Variants in ANO10 observed in about 807,000 individuals in gnomAD.
ANO10 encodes anoctamin-10.
ANO10 carries 77 observed loss-of-function variants against 74.7 expected under a neutral mutation model. The observed-to-expected ratio is 1.03, with a 90% CI of 0.86 to 1.25. ANO10 has a LOEUF of 1.25. Ranked by LOEUF, ANO10 falls within the 50% of genes most tolerant of loss-of-function variation. The pLI is 0.00. For missense variants in ANO10, 721 were observed against 778.1 expected, an observed-to-expected ratio of 0.93 and a Z score of 0.87; for synonymous variants, 279 against 284.9, an observed-to-expected ratio of 0.98 and a Z score of 0.21.
rs371752677 is a variant in ANO10, at chr3:43,402,646, C to T, written c.1914+29965G>A. 1.2e-4 allele frequency among the ~76,000 whole-genome samples: 18 copies of T among 152,240 alleles called. No individual in the cohort carries two copies. The East Asian group carries it at 1.5e-3, about 13-fold the overall frequency. On this transcript the variant is annotated intron_variant, in intron 12 of 12. Transcript: ENST00000292246. ...TTCCCAGGTCATCCCTTCTTCTGTG[C>T]CCTTGGTCCTGAGAGGTACCACACT...
chr3:43,494,279 C>G (rs1404477828), intron 11 of ANO10, among the ~76,000 whole-genome samples: 1 of 152,096 alleles, frequency 6.6e-6, no homozygotes, highest in Non-Finnish European at 1.5e-5. Context: ...CATGGTGAAA[C>G]CCCGTCTGTA....
At chr3:43,686,434 A>T (rs369122315) in intron 1 of ANO10, among the ~76,000 whole-genome samples, 6 of 152,264 alleles carry the variant, frequency 3.9e-5, no homozygotes, top group African/African-American at 1.4e-4. Flanking sequence ...CCAAAGGCAC[A>T]TGCCATTACA....
chr3:43,687,695 G>C (rs557252143), intron 1 of ANO10, among the ~76,000 whole-genome samples: 11 of 152,270 alleles, frequency 7.2e-5, no homozygotes, highest in African/African-American at 2.6e-4. Flanking sequence ...TTGGTTAGTA[G>C]GTCACAAAAA....
chr3:43,590,925 C>A (rs1436890506), intron 4 of ANO10, among the ~76,000 whole-genome samples: 2 of 152,152 alleles, frequency 1.3e-5, no homozygotes, highest in Non-Finnish European at 2.9e-5. Flanking sequence ...CACACCCAAC[C>A]CATCAGTTAG....
intron 12 of ANO10, among the ~76,000 whole-genome samples, chr3:43,417,028 C>T (rs1575726728): frequency 1.3e-5 from 2 of 152,188 alleles, no homozygotes; most frequent in South Asian, 4.1e-4. Flanking sequence ...CAAAGCTGTG[C>T]TAGGCACCTT....
chr3:43,460,327 C>A (rs896366106), intron 11 of ANO10, among the ~76,000 whole-genome samples: 5 of 152,190 alleles, frequency 3.3e-5, no homozygotes, highest in Non-Finnish European at 5.9e-5. Context: ...TCATCTCTCC[C>A]TATAATCCTA....
intron 1 of ANO10, among the ~76,000 whole-genome samples, chr3:43,680,991 C>G (rs1186904629): frequency 1.3e-5 from 2 of 152,256 alleles, no homozygotes; most frequent in Admixed American, 6.5e-5. Context: ...ATTGTAAAGA[C>G]CATCGAGGCT....
At chr3:43,650,717 A>G (rs1466076163) in intron 1 of ANO10, among the ~76,000 whole-genome samples, 3 of 152,222 alleles carry the variant, frequency 2.0e-5, no homozygotes, top group Non-Finnish European at 4.4e-5. Context: ...ACATTTCCCC[A>G]TAGCCCTAAA....
intron 11 of ANO10, among the ~76,000 whole-genome samples, chr3:43,464,074 C>T (rs1452848915): frequency 6.6e-6 from 1 of 152,154 alleles, no homozygotes; most frequent in Non-Finnish European, 1.5e-5. Context: ...CATGAGGCTT[C>T]CTCAGCCATA....
chr3:43,634,017 C>G (rs996889467), intron 1 of ANO10, among the ~76,000 whole-genome samples: 1 of 119,308 alleles, frequency 8.4e-6, no homozygotes, highest in African/African-American at 3.4e-5. Flanking sequence ...AAAAAAAAAT[C>G]TGCCACTATC....
intron 11 of ANO10, among the ~76,000 whole-genome samples, chr3:43,533,469 A>T (rs2149255044): frequency 6.6e-6 from 1 of 152,324 alleles, no homozygotes; most frequent in African/African-American, 2.4e-5. Context: ...ACAGATTCTT[A>T]TTCCATAGTT....
intron 10 of ANO10, 132 bp from the exon 11 acceptor site, chr3:43,549,980 T>A: frequency 1.9e-6 from 2 of 1,081,080 alleles, no homozygotes; most frequent in Non-Finnish European, 2.6e-6. Context: ...CATTTTAAAT[T>A]TTTTTCTCTG....
intron 1 of ANO10, among the ~76,000 whole-genome samples, chr3:43,674,695 G>C (rs1301339180): frequency 6.6e-6 from 1 of 152,152 alleles, no homozygotes; most frequent in Non-Finnish European, 1.5e-5. Flanking sequence ...GGAGAAAGAG[G>C]GACTGGGTAG....
intron 11 of ANO10, among the ~76,000 whole-genome samples, chr3:43,548,024 C>G (rs889626420): frequency 1.3e-5 from 2 of 152,096 alleles, no homozygotes; most frequent in Non-Finnish European, 2.9e-5. Flanking sequence ...GGATATTACA[C>G]CACTCCTGCT....
intron 12 of ANO10, among the ~76,000 whole-genome samples, chr3:43,394,229 G>C (rs887253030): frequency 6.6e-6 from 1 of 152,022 alleles, no homozygotes; most frequent in African/African-American, 2.4e-5. Context: ...CCTACCCCCA[G>C]GCATCACCAC....
At chr3:43,380,935 A>T (rs544859654) in intron 12 of ANO10, among the ~76,000 whole-genome samples, 52 of 152,304 alleles carry the variant, frequency 3.4e-4, no homozygotes, top group Middle Eastern at 3.4e-3. Context: ...ATTAACTCAC[A>T]TTTACGCATG....
intron 7 of ANO10, among the ~76,000 whole-genome samples, chr3:43,572,725 G>A (rs111694129): frequency 0.017 from 2,590 of 152,286 alleles, 68 homozygotes; most frequent in African/African-American, 0.058. Flanking sequence ...CTGCCTCCCA[G>A]CCCCCATGCT....
intron 11 of ANO10, among the ~76,000 whole-genome samples, chr3:43,544,806 A>G (rs1451829089): frequency 6.6e-6 from 1 of 151,770 alleles, no homozygotes; most frequent in Non-Finnish European, 1.5e-5. Flanking sequence ...TAAAAAAAAA[A>G]AAAAAAAAAA....
intron 11 of ANO10, among the ~76,000 whole-genome samples, chr3:43,434,928 C>T (rs765497133): frequency 5.2e-4 from 79 of 152,318 alleles, no homozygotes; most frequent in Non-Finnish European, 6.2e-4. Flanking sequence ...TAATTCTCTA[C>T]AGTTTATTTT....
Sources: allele counts gnomAD v4.1 joint callset (sites outside exome capture counted in the v4.1 genomes callset), GRCh38; gene constraint gnomAD v4.1.1; transcripts MANE v1.5; gene names NCBI Gene and HGNC (gene_info 2026-07-23, HGNC 2026-07-21).